The following PTPRD variants were observed in gnomAD, a reference collection of about 807,000 sequenced individuals.
PTPRD encodes protein tyrosine phosphatase receptor type D.
Under a neutral mutation model 214.5 loss-of-function variants are expected in PTPRD, and 34 were observed. That is an observed-to-expected ratio of 0.16 (90% CI 0.12 to 0.21). PTPRD has a LOEUF of 0.21. Ranked by LOEUF, PTPRD falls within the 10% of genes least tolerant of loss-of-function variation. The probability of loss-of-function intolerance (pLI) is 1.00; values close to 1 mark genes in which losing one functional copy is unlikely to be tolerated. For synonymous variants in PTPRD, 1,128 were observed against 845.7 expected, an observed-to-expected ratio of 1.33 and a Z score of -5.79; for missense variants, 2,545 against 2,398.7, an observed-to-expected ratio of 1.06 and a Z score of -1.27.
rs73398359 is a variant in PTPRD at position 10,227,056 on chromosome 9, A to G, written c.-545+113907T>C. On this transcript the variant is annotated intron_variant, in intron 3 of 45. Transcript: ENST00000381196. ...AAATAGGTGATGACAACATCTATACATAATTTCATGTTCTCAACCTCAATA... is the reference window on the plus strand; with the variant it reads ...AAATAGGTGATGACAACATCTATACGTAATTTCATGTTCTCAACCTCAATA... Among the ~76,000 whole-genome samples the G allele has an allele frequency of 4.3e-3, 653 of 152,136 alleles. 2 individuals carry two copies. The highest frequency in any genetic ancestry group is 0.015 in the African/African-American group (612 of 41,550).
At chr9:9,689,312 C>G (rs1346180569) in intron 7 of PTPRD, among the ~76,000 whole-genome samples, 3 of 151,582 alleles carry the variant, frequency 2.0e-5, no homozygotes, top group Non-Finnish European at 4.4e-5. Context: ...GTTAATCATT[C>G]CAGAAATAAC....
chr9:10,213,194 A>T lies in PTPRD; in HGVS notation c.-545+127769T>A, dbSNP rs2099524995. On this transcript the variant is annotated intron_variant, in intron 3 of 45. Coordinates refer to ENST00000381196, the MANE Select transcript of PTPRD (RefSeq NM_002839.4). ...TCACTTCTACTTCATTTTTTTAACAATACAGATTTGTTTTTACTTATATTT... is the reference window on the plus strand; with the variant it reads ...TCACTTCTACTTCATTTTTTTAACATTACAGATTTGTTTTTACTTATATTT... 2.6e-5 allele frequency among the ~76,000 whole-genome samples: 4 copies of T among 152,250 alleles called. No individual in the cohort carries two copies. In the South Asian group the frequency reaches 8.3e-4, roughly 32 times the overall value.
chr9:8,878,794 A>G (rs2098417368), intron 11 of PTPRD, among the ~76,000 whole-genome samples: 2 of 152,138 alleles, frequency 1.3e-5, no homozygotes. Flanking sequence ...TCCCAAAGTT[A>G]TTGGGAAGGG....
intron 10 of PTPRD, among the ~76,000 whole-genome samples, chr9:9,040,548 G>A (rs2099636451): frequency 6.6e-6 from 1 of 151,158 alleles, no homozygotes; most frequent in African/African-American, 2.4e-5. Flanking sequence ...TGCCACCACA[G>A]CCTGTGTTCA....
At chr9:9,467,593 A>AAAAAAAAAAAAAAAC (rs2094293528) in intron 8 of PTPRD, among the ~76,000 whole-genome samples, 1 of 137,750 alleles carries the variant, frequency 7.3e-6, no homozygotes, top group Non-Finnish European at 1.7e-5. Context: ...TCTCCCAAAA[A>AAAAAAAAAAAAAAAC]AAAAAAAAAA....
At chr9:10,508,039 C>T (rs2046634786) in intron 2 of PTPRD, among the ~76,000 whole-genome samples, 1 of 151,844 alleles carries the variant, frequency 6.6e-6, no homozygotes, top group Non-Finnish European at 1.5e-5. Flanking sequence ...AAAATTTTTG[C>T]AATCTACTTA....
chr9:8,748,471 G>A (rs1317838545), intron 11 of PTPRD, among the ~76,000 whole-genome samples: 1 of 139,128 alleles, frequency 7.2e-6, no homozygotes, highest in African/African-American at 2.7e-5. Flanking sequence ...CCCTCCCTTT[G>A]TATGGGAGCT....
At chr9:8,568,269 CAA>C (rs2090024485) in intron 14 of PTPRD, among the ~76,000 whole-genome samples, 1 of 152,102 alleles carries the variant, frequency 6.6e-6, no homozygotes, top group Admixed American at 6.6e-5. Context: ...CTCCAAATCT[CAA>C]AGACATTAAA....
chr9:9,623,314 C>T (rs546759333), intron 7 of PTPRD, among the ~76,000 whole-genome samples: 1 of 152,178 alleles, frequency 6.6e-6, no homozygotes, highest in Non-Finnish European at 1.5e-5. Context: ...GAGTTCATCA[C>T]TTCTTTAACT....
chr9:8,332,362 C>T (rs1178632373), intron 43 of PTPRD, among the ~76,000 whole-genome samples: 3 of 152,044 alleles, frequency 2.0e-5, no homozygotes, highest in Non-Finnish European at 2.9e-5. Context: ...CCATTTCTAG[C>T]CATGGCAGGG....
intron 3 of PTPRD, among the ~76,000 whole-genome samples, chr9:10,287,832 C>T (rs753344746): frequency 6.6e-6 from 1 of 152,050 alleles, no homozygotes; most frequent in Non-Finnish European, 1.5e-5. Flanking sequence ...ATTGTCCAAT[C>T]GTTCCAGAGC....
intron 32 of PTPRD, 84 bp from the exon 33 acceptor site, chr9:8,460,655 CAGGA>C: frequency 3.7e-6 from 5 of 1,365,888 alleles, no homozygotes; most frequent in African/African-American, 1.5e-5. Flanking sequence ...GCAAAAAATC[CAGGA>C]AATAGTGGAT....
intron 5 of PTPRD, among the ~76,000 whole-genome samples, chr9:9,856,313 A>T (rs1485543910): frequency 1.3e-5 from 2 of 152,108 alleles, no homozygotes; most frequent in Non-Finnish European, 2.9e-5. Context: ...ACGAAAAGGC[A>T]ACATTTGAGT....
chr9:10,502,414 T>G (rs933957570), intron 2 of PTPRD, among the ~76,000 whole-genome samples: 7 of 152,050 alleles, frequency 4.6e-5, no homozygotes, highest in Admixed American at 4.6e-4. Flanking sequence ...TATGTTATTA[T>G]AATTAATTTA....
At chr9:8,934,494 AAT>A (rs1420703537) in intron 11 of PTPRD, among the ~76,000 whole-genome samples, 1 of 7,434 alleles carries the variant, frequency 1.3e-4, no homozygotes, top group African/African-American at 4.0e-4. Context: ...TATATATATA[AAT>A]ATATATATAA....
intron 2 of PTPRD, among the ~76,000 whole-genome samples, chr9:10,375,659 C>G (rs977571262): frequency 1.3e-5 from 2 of 151,948 alleles, no homozygotes; most frequent in Non-Finnish European, 2.9e-5. Context: ...AATATTTTAT[C>G]ACCATAATCC....
chr9:9,976,713 T>G (rs3955136), intron 4 of PTPRD, among the ~76,000 whole-genome samples: 98,618 of 121,714 alleles, frequency 0.81, 38,814 homozygotes, highest in Middle Eastern at 0.89. Context: ...AAAAAAAAAA[T>G]TTACTTTTTT....
chr9:10,566,502 G>A (rs1374690753), intron 2 of PTPRD, among the ~76,000 whole-genome samples: 3 of 151,846 alleles, frequency 2.0e-5, no homozygotes, highest in Non-Finnish European at 4.4e-5. Flanking sequence ...TATGATAACT[G>A]GTTATTTCGA....
At chr9:9,082,779 C>A (rs1041641534) in intron 10 of PTPRD, among the ~76,000 whole-genome samples, 1 of 152,094 alleles carries the variant, frequency 6.6e-6, no homozygotes, top group Non-Finnish European at 1.5e-5. Flanking sequence ...AGAGCCAAAT[C>A]ATGAGTGAAC....
Sources: gnomAD v4.1 joint callset for allele counts (sites outside exome capture counted in the v4.1 genomes callset) on GRCh38, gnomAD v4.1.1 for gene constraint, MANE v1.5 for transcripts, NCBI Gene and HGNC (gene_info 2026-07-23, HGNC 2026-07-21) for gene names.